The following OPHN1 variants were observed in gnomAD, a reference collection of about 807,000 sequenced individuals.
OPHN1 encodes the protein oligophrenin-1.
A neutral mutation model predicts 60.7 loss-of-function variants in OPHN1; 11 were observed. The observed-to-expected ratio is 0.18, with a 90% CI of 0.11 to 0.30. The LOEUF (loss-of-function observed/expected upper bound fraction) is 0.30, where lower values mean the gene tolerates loss of function less well. OPHN1 is among the 10% of genes least tolerant of loss of function. The probability of loss-of-function intolerance (pLI) is 1.00; values close to 1 mark genes in which losing one functional copy is unlikely to be tolerated. For missense variants in OPHN1, 449 were observed against 611.0 expected, an observed-to-expected ratio of 0.73 and a Z score of 2.80; for synonymous variants, 226 against 222.6, an observed-to-expected ratio of 1.02 and a Z score of -0.14.
intron 18 of OPHN1, among the ~76,000 whole-genome samples, chrX:68,098,432 A>G (rs775961409): frequency 9.0e-6 from 1 of 111,415 alleles, no homozygotes; most frequent in African/African-American, 3.3e-5. Context: ...GAACAGCCCA[A>G]CTGACTACCC....
chrX:68,086,553 C>G (rs1020080405), intron 19 of OPHN1, among the ~76,000 whole-genome samples: 2 of 112,113 alleles, frequency 1.8e-5, no homozygotes, highest in Admixed American at 9.5e-5. Flanking sequence ...AACACAAATT[C>G]CTTTCTCTGC....
At chrX:68,278,752 G>A (rs1008737078) in intron 4 of OPHN1, among the ~76,000 whole-genome samples, 2 of 111,930 alleles carry the variant, frequency 1.8e-5, no homozygotes, top group African/African-American at 6.5e-5. Flanking sequence ...TGGGCATGGT[G>A]GTGGGTGCCT....
chrX:68,281,820 C>T (rs1294095463), intron 4 of OPHN1, among the ~76,000 whole-genome samples: 1 of 112,176 alleles, frequency 8.9e-6, no homozygotes, highest in Non-Finnish European at 1.9e-5. Context: ...AGATGCTCTG[C>T]ATGATATGTG....
At chrX:68,075,625 C>G (rs981167816) in intron 19 of OPHN1, among the ~76,000 whole-genome samples, 6 of 110,583 alleles carry the variant, frequency 5.4e-5, no homozygotes, top group Admixed American at 1.9e-4. Context: ...CAGTGTGGCA[C>G]TGATGTCAAG....
At chrX:68,097,304 C>T (rs2068794946) in intron 18 of OPHN1, among the ~76,000 whole-genome samples, 1 of 111,075 alleles carries the variant, frequency 9.0e-6, no homozygotes, top group Non-Finnish European at 1.9e-5. Context: ...GGGACTAAAG[C>T]TAGTGGGATA....
At chrX:68,425,142 G>C (rs1602412049) in intron 2 of OPHN1, among the ~76,000 whole-genome samples, 1 of 111,542 alleles carries the variant, frequency 9.0e-6, no homozygotes, top group East Asian at 2.8e-4. Context: ...GGGATTAAAA[G>C]CTTTGGGGTC....
At chrX:68,295,031 G>A (rs920602807) in intron 3 of OPHN1, among the ~76,000 whole-genome samples, 8 of 111,302 alleles carry the variant, frequency 7.2e-5, no homozygotes, top group African/African-American at 2.6e-4. Context: ...TCTGTCCTGG[G>A]GTTACAAAAT....
rs780728739 is a variant in OPHN1, at chrX:68,215,647, G to A, written c.487-1675C>T. Among the ~76,000 whole-genome samples the A allele has an allele frequency of 2.1e-3, 238 of 111,541 alleles. 2 individuals are homozygous for A. The highest frequency in any genetic ancestry group is 7.6e-3 in the African/African-American group (235 of 30,844). On this transcript the variant is annotated intron_variant, in intron 6 of 24. Coordinates refer to ENST00000355520, the MANE Select transcript of OPHN1 (RefSeq NM_002547.3). ...AGAAAAACAAACAACTTACTATACA[G>A]CAGGGCAAGGATAAAGAGTTATATC... is the stretch of plus-strand genomic sequence containing the variant.
intron 15 of OPHN1, among the ~76,000 whole-genome samples, chrX:68,163,442 G>A: frequency 1.1e-5 from 1 of 87,365 alleles, no homozygotes; most frequent in East Asian, 3.0e-4. Context: ...GTGTGTGTGT[G>A]TGTGTGTGTG....
At chrX:68,323,430 A>AC (rs1336366594) in intron 2 of OPHN1, among the ~76,000 whole-genome samples, 1 of 110,664 alleles carries the variant, frequency 9.0e-6, no homozygotes, top group Non-Finnish European at 1.9e-5. Context: ...GAGATTGCAT[A>AC]CCCCCCTACA....
chrX:68,404,262 C>T (rs993698111), intron 2 of OPHN1, among the ~76,000 whole-genome samples: 22 of 108,514 alleles, frequency 2.0e-4, no homozygotes, highest in East Asian at 5.8e-4. Context: ...CAGGTTCAAG[C>T]GATTCTCCTG....
intron 2 of OPHN1, among the ~76,000 whole-genome samples, chrX:68,423,009 T>C (rs1261207411): frequency 1.8e-5 from 2 of 108,259 alleles, no homozygotes; most frequent in Admixed American, 9.9e-5. Flanking sequence ...GGAGTAGATA[T>C]GTAGCTTTCT....
intron 13 of OPHN1, 107 bp downstream of exon 13, chrX:68,194,358 A>C: frequency 1.5e-6 from 1 of 664,417 alleles, no homozygotes; most frequent in African/African-American, 2.1e-5. Context: ...AAAGGCATCC[A>C]TATTCAGACT....
At chrX:68,359,107 A>G (rs62604361) in intron 2 of OPHN1, among the ~76,000 whole-genome samples, 2,148 of 112,060 alleles carry the variant, frequency 0.019, 23 homozygotes, top group Non-Finnish European at 0.027. Context: ...TAAAAAATTT[A>G]ATTCACAATC....
chrX:68,094,644 T>TGTG (rs1038687527), intron 19 of OPHN1, among the ~76,000 whole-genome samples: 3 of 111,323 alleles, frequency 2.7e-5, no homozygotes, highest in African/African-American at 9.8e-5. Context: ...AATCAAATCC[T>TGTG]GTCACTCCCA....
chrX:68,073,418 A>G (rs1170809192), intron 19 of OPHN1, 119 bp from the exon 20 acceptor site: 1 of 584,841 alleles, frequency 1.7e-6, no homozygotes, highest in Non-Finnish European at 2.7e-6. Context: ...GTGAATACTA[A>G]CATGACTCAA....
At chrX:68,355,095 C>T (rs2078433690) in intron 2 of OPHN1, among the ~76,000 whole-genome samples, 1 of 111,965 alleles carries the variant, frequency 8.9e-6, no homozygotes, top group African/African-American at 3.2e-5. Flanking sequence ...TATTTAAGCT[C>T]TGCAGAATTC....
At chrX:68,410,302 G>A (rs2078763062) in intron 2 of OPHN1, among the ~76,000 whole-genome samples, 1 of 111,026 alleles carries the variant, frequency 9.0e-6, no homozygotes, top group African/African-American at 3.3e-5. Flanking sequence ...CGGTAAATTA[G>A]GTGTCTGGTG....
chrX:68,233,998 G>A (rs2077740475), intron 6 of OPHN1, among the ~76,000 whole-genome samples: 3 of 106,194 alleles, frequency 2.8e-5, no homozygotes, highest in Non-Finnish European at 3.8e-5. Flanking sequence ...CATGTGGTAG[G>A]GTCTCACCGA....
Sources: gnomAD v4.1 joint callset for allele counts (sites outside exome capture counted in the v4.1 genomes callset) on GRCh38, gnomAD v4.1.1 for gene constraint, MANE v1.5 for transcripts, NCBI Gene and HGNC (gene_info 2026-07-23, HGNC 2026-07-21) for gene names.